Variants in PLD1 observed in about 807,000 individuals in gnomAD.
PLD1 encodes the protein phospholipase D1.
PLD1 carries 112 observed loss-of-function variants against 137.1 expected under a neutral mutation model. That is an observed-to-expected ratio of 0.82 (90% CI 0.70 to 0.96). The LOEUF (loss-of-function observed/expected upper bound fraction) is 0.96. Ranked by LOEUF, PLD1 falls within the 40% of genes least tolerant of loss-of-function variation. The pLI, the probability that PLD1 is intolerant of heterozygous loss-of-function variation, is 0.00. For missense variants in PLD1, 1,321 were observed against 1,342.0 expected, an observed-to-expected ratio of 0.98 and a Z score of 0.24; for synonymous variants, 431 against 454.7, an observed-to-expected ratio of 0.95 and a Z score of 0.66.
intron 23 of PLD1, among the ~76,000 whole-genome samples, chr3:171,627,556 A>G (rs1174920146): frequency 6.6e-6 from 1 of 151,388 alleles, no homozygotes; most frequent in African/African-American, 2.4e-5. Flanking sequence ...CAGAATATAC[A>G]TTTTTTTTCA....
chr3:171,611,108 G>GA (rs944111709), intron 25 of PLD1, among the ~76,000 whole-genome samples: 1 of 152,190 alleles, frequency 6.6e-6, no homozygotes, highest in Non-Finnish European at 1.5e-5. Flanking sequence ...TGCCCTTCCC[G>GA]AAAGGGCATA....
chr3:171,759,675 T>C (rs543917629), intron 1 of PLD1, among the ~76,000 whole-genome samples: 1 of 152,396 alleles, frequency 6.6e-6, no homozygotes, highest in Non-Finnish European at 1.5e-5. Context: ...CGTTTGTGTA[T>C]GTACGTGGCT....
intron 22 of PLD1, 93 bp downstream of exon 22, chr3:171,644,817 C>A (rs1425487277): frequency 3.8e-6 from 3 of 787,596 alleles, no homozygotes; most frequent in East Asian, 2.5e-5. Context: ...CCCCACTCCA[C>A]CGAATGGATG....
chr3:171,755,045 C>A (rs1189546457), intron 1 of PLD1, among the ~76,000 whole-genome samples: 1 of 152,098 alleles, frequency 6.6e-6, no homozygotes, highest in Non-Finnish European at 1.5e-5. Flanking sequence ...GCCCAAAAAT[C>A]TCTGCTTGTA....
At chr3:171,647,692 G>T (rs958068897) in intron 21 of PLD1, among the ~76,000 whole-genome samples, 1 of 152,036 alleles carries the variant, frequency 6.6e-6, no homozygotes, top group African/African-American at 2.4e-5. Flanking sequence ...CAGGTGATCC[G>T]CCTCGGCCTC....
intron 16 of PLD1, among the ~76,000 whole-genome samples, chr3:171,682,824 A>G (rs1714149354): frequency 6.6e-6 from 1 of 152,218 alleles, no homozygotes; most frequent in Non-Finnish European, 1.5e-5. Flanking sequence ...TCCAGGATCC[A>G]AGGAATCGAC....
intron 3 of PLD1, among the ~76,000 whole-genome samples, chr3:171,735,900 C>T (rs113375524): frequency 2.6e-5 from 4 of 152,278 alleles, no homozygotes; most frequent in East Asian, 3.9e-4. Context: ...AACATATGTG[C>T]GTGTATGCAT....
intron 25 of PLD1, among the ~76,000 whole-genome samples, chr3:171,607,744 T>C (rs1732317674): frequency 6.6e-6 from 1 of 152,188 alleles, no homozygotes. Context: ...TGATTCTGAG[T>C]CCTAATTGTG....
intron 8 of PLD1, among the ~76,000 whole-genome samples, chr3:171,724,028 T>C (rs4894748): frequency 0.36 from 54,741 of 151,956 alleles, 10,947 homozygotes; most frequent in African/African-American, 0.51. Flanking sequence ...TGTTTATCCA[T>C]TCATCAATTG....
At chr3:171,666,066 C>G (rs554973563) in intron 19 of PLD1, among the ~76,000 whole-genome samples, 5 of 152,286 alleles carry the variant, frequency 3.3e-5, no homozygotes, top group African/African-American at 1.2e-4. Context: ...CTGCCTAGAC[C>G]ATTGAACTAC....
intron 1 of PLD1, among the ~76,000 whole-genome samples, chr3:171,745,846 C>T (rs904690040): frequency 2.6e-5 from 4 of 152,150 alleles, no homozygotes; most frequent in African/African-American, 9.6e-5. Context: ...TCTGGGCTGG[C>T]GGAGGCCAGA....
rs548061310 is a variant in PLD1 at position 171,701,922 on chromosome 3, G to A, written c.1146-2096C>T. Among the ~76,000 whole-genome samples, 6 of 152,280 alleles carry A rather than the reference G, an allele frequency of 3.9e-5. No homozygotes were observed. The East Asian group carries it at 1.2e-3, about 29-fold the overall frequency. On this transcript the variant is annotated intron_variant, in intron 11 of 26. Transcript: ENST00000351298. ...CGGAGATATTAAGACGTACCTCTAA[G>A]TAAGTGTACCACTTAGAAGATTTAA...
At chr3:171,665,592 C>T (rs1180969249) in intron 19 of PLD1, among the ~76,000 whole-genome samples, 3 of 151,818 alleles carry the variant, frequency 2.0e-5, no homozygotes, top group Admixed American at 6.6e-5. Context: ...CCCAGCTACT[C>T]GGGAGGCTGA....
At chr3:171,704,469 A>AAAAAAAAAAAAAAAAAAAAAC (rs1716513298) in intron 11 of PLD1, among the ~76,000 whole-genome samples, 1 of 150,412 alleles carries the variant, frequency 6.6e-6, no homozygotes, top group African/African-American at 2.5e-5. Context: ...AAAAAAAAAA[A>AAAAAAAAAAAAAAAAAAAAAC]AAAAAAAACC....
chr3:171,661,886 G>A (rs1268525465), intron 20 of PLD1, among the ~76,000 whole-genome samples, 174 bp downstream of exon 20: 3 of 152,148 alleles, frequency 2.0e-5, no homozygotes, highest in Non-Finnish European at 4.4e-5. Flanking sequence ...CCAGTTCCAG[G>A]TATGCTTGGG....
At chr3:171,715,150 G>C (rs555675373) in intron 8 of PLD1, among the ~76,000 whole-genome samples, 5 of 152,204 alleles carry the variant, frequency 3.3e-5, no homozygotes, top group Admixed American at 6.5e-5. Context: ...TCCTCAATAC[G>C]AATACCAAGG....
Position 171,620,633 on chromosome 3 carries a change from T to C in PLD1, c.2594-113A>G, listed in dbSNP as rs571784364. ...CTTAGACTGTTCAGAATAGATTGTATATTATATGTATATGTTTTCTATTTC... is the reference window on the plus strand; with the variant it reads ...CTTAGACTGTTCAGAATAGATTGTACATTATATGTATATGTTTTCTATTTC... On this transcript the variant is annotated intron_variant, in intron 23 of 26. Transcript: ENST00000351298. 2.0e-4 allele frequency: 98 copies of C among 481,192 alleles called. 2 individuals are homozygous for C. In the South Asian group the frequency reaches 4.3e-3, roughly 21 times the overall value. 29.8% of individuals were successfully genotyped at this position (481,192 alleles called of 1,614,324 possible). A position where few individuals can be genotyped will look rare whatever the true frequency, so the allele number is the denominator to read the frequency against.
At chr3:171,656,620 A>G (rs1050957952) in intron 21 of PLD1, among the ~76,000 whole-genome samples, 1 of 152,394 alleles carries the variant, frequency 6.6e-6, no homozygotes, top group East Asian at 1.9e-4. Context: ...ATTATGATCC[A>G]GTAAGCCTGG....
chr3:171,775,569 G>A (rs1722559995), intron 1 of PLD1, among the ~76,000 whole-genome samples: 1 of 151,984 alleles, frequency 6.6e-6, no homozygotes, highest in African/African-American at 2.4e-5. Flanking sequence ...AGAGCCCAGC[G>A]CAGTGGCTCA....
Sources: gnomAD v4.1 joint callset for allele counts (sites outside exome capture counted in the v4.1 genomes callset) on GRCh38, gnomAD v4.1.1 for gene constraint, MANE v1.5 for transcripts, NCBI Gene and HGNC (gene_info 2026-07-23, HGNC 2026-07-21) for gene names.